The following AIM2 variants were observed in gnomAD, a reference collection of about 807,000 sequenced individuals.
AIM2 encodes the protein absent in melanoma 2.
Under a neutral mutation model 27.7 loss-of-function variants are expected in AIM2, and 30 were observed. The observed-to-expected ratio is 1.08, with a 90% CI of 0.81 to 1.47. AIM2 has a LOEUF of 1.47. AIM2 is among the 40% of genes most tolerant of loss of function. The pLI is 0.00. For missense variants in AIM2, 358 were observed against 411.3 expected (o/e 0.87, Z 1.12); for synonymous variants, 141 against 145.3 (o/e 0.97, Z 0.21).
chr1:159,099,983 C>T (rs1570963824), intron 1 of AIM2, among the ~76,000 whole-genome samples: 2 of 152,284 alleles, frequency 1.3e-5, no homozygotes, highest in South Asian at 4.1e-4. Flanking sequence ...CCGTGAGAAT[C>T]GTTTGTGCTT....
chr1:159,125,646 C>T (rs1227186612), intron 1 of AIM2, among the ~76,000 whole-genome samples: 1 of 152,218 alleles, frequency 6.6e-6, no homozygotes, highest in Non-Finnish European at 1.5e-5. Flanking sequence ...TTACTCACTT[C>T]TCTGAGCCTT....
intron 1 of AIM2, among the ~76,000 whole-genome samples, chr1:159,101,718 C>G (rs994852480): frequency 6.6e-6 from 1 of 152,182 alleles, no homozygotes; most frequent in Non-Finnish European, 1.5e-5. Flanking sequence ...AAACGTCACT[C>G]TTGCTACACT....
At chr1:159,068,400 A>G (rs1466653812) in intron 3 of AIM2, among the ~76,000 whole-genome samples, 168 bp downstream of exon 3, 1 of 152,218 alleles carries the variant, frequency 6.6e-6, no homozygotes, top group Non-Finnish European at 1.5e-5. Flanking sequence ...GTTTAATCTG[A>G]TGAATCAAAG....
intron 1 of AIM2, among the ~76,000 whole-genome samples, chr1:159,106,062 G>T (rs1451999515): frequency 6.6e-6 from 1 of 152,180 alleles, no homozygotes; most frequent in Non-Finnish European, 1.5e-5. Context: ...CTACAACTTT[G>T]CTCCACACTG....
chr1:159,115,485 G>T (rs936765274), intron 1 of AIM2, among the ~76,000 whole-genome samples: 19 of 152,198 alleles, frequency 1.2e-4, no homozygotes, highest in Admixed American at 3.9e-4. Context: ...CAAAAACAGA[G>T]ATATAGACCA....
intron 4 of AIM2, 80 bp downstream of exon 4, chr1:159,065,830 C>T (rs1040942236): frequency 5.8e-5 from 83 of 1,427,586 alleles, no homozygotes; most frequent in Non-Finnish European, 7.6e-5. Flanking sequence ...ACATTAAAAC[C>T]ATTTCCAAAG....
At chr1:159,135,021 A>G (rs541792954) in intron 1 of AIM2, among the ~76,000 whole-genome samples, 1 of 152,286 alleles carries the variant, frequency 6.6e-6, no homozygotes, top group East Asian at 1.9e-4. Context: ...TGAAGAGGTC[A>G]ACTCTCCCAG....
intron 1 of AIM2, among the ~76,000 whole-genome samples, chr1:159,083,715 T>C (rs999615060): frequency 6.6e-6 from 1 of 152,240 alleles, no homozygotes; most frequent in African/African-American, 2.4e-5. Flanking sequence ...AATCCAAATA[T>C]GACCTATGAT....
At chr1:159,091,734 G>A (rs1657048728) in intron 1 of AIM2, among the ~76,000 whole-genome samples, 1 of 152,208 alleles carries the variant, frequency 6.6e-6, no homozygotes, top group Non-Finnish European at 1.5e-5. Flanking sequence ...GGTAACAAAT[G>A]TTATGAGTGT....
chr1:159,058,445 T>G (rs1655724332), downstream of AIM2, among the ~76,000 whole-genome samples: 1 of 151,618 alleles, frequency 6.6e-6, no homozygotes, highest in Non-Finnish European at 1.5e-5. Context: ...CACAGCCATG[T>G]ACCTGGGGCA....
chr1:159,080,471 A>G (rs1480368566), upstream of AIM2, among the ~76,000 whole-genome samples: 1 of 152,238 alleles, frequency 6.6e-6, no homozygotes, highest in Non-Finnish European at 1.5e-5. Context: ...GTGATGCCTC[A>G]ATTTCAGAAC....
intron 1 of AIM2, among the ~76,000 whole-genome samples, chr1:159,124,216 T>A (rs1647621758): frequency 6.6e-6 from 1 of 152,224 alleles, no homozygotes; most frequent in African/African-American, 2.4e-5. Flanking sequence ...AAAATGATAT[T>A]TTATGGTAGT....
At chr1:159,066,815 T>G (rs1656125602) in intron 3 of AIM2, among the ~76,000 whole-genome samples, 1 of 152,184 alleles carries the variant, frequency 6.6e-6, no homozygotes. Flanking sequence ...GGGAGCATTG[T>G]ACATAACAAA....
chr1:159,073,201 A>T (rs1408820697), intron 2 of AIM2, 37 bp downstream of exon 2: 1 of 1,609,820 alleles, frequency 6.2e-7, no homozygotes, highest in Non-Finnish European at 8.5e-7. Context: ...GGCTTGGCAG[A>T]AAAAGGGACG....
intron 1 of AIM2, among the ~76,000 whole-genome samples, chr1:159,138,302 A>G (rs754168440): frequency 6.6e-6 from 1 of 152,116 alleles, no homozygotes; most frequent in Non-Finnish European, 1.5e-5. Context: ...GCTGGTGCCC[A>G]CATCAGAGTC....
At chr1:159,098,170 C>T (rs1657218531) in intron 1 of AIM2, among the ~76,000 whole-genome samples, 1 of 152,088 alleles carries the variant, frequency 6.6e-6, no homozygotes, top group African/African-American at 2.4e-5. Flanking sequence ...AATTTTTTCA[C>T]ATTGAACTTT....
chr1:159,134,572 C>A (rs899311837), intron 1 of AIM2, among the ~76,000 whole-genome samples: 1 of 152,230 alleles, frequency 6.6e-6, no homozygotes, highest in African/African-American at 2.4e-5. Context: ...TGGCTCACAC[C>A]TGTAATCCCA....
At chr1:159,063,457 G>C (rs1284563061) in intron 5 of AIM2, 29 bp downstream of exon 5, 1 of 1,586,394 alleles carries the variant, frequency 6.3e-7, no homozygotes, top group African/African-American at 1.4e-5. Context: ...CCCCCTTGGA[G>C]AGTTGACTTT....
At chr1:159,067,670 T>C (rs1378024802) in intron 3 of AIM2, among the ~76,000 whole-genome samples, 1 of 152,208 alleles carries the variant, frequency 6.6e-6, no homozygotes, top group African/African-American at 2.4e-5. Flanking sequence ...ACACCATTTA[T>C]ACTTGAACCT....
Sources: allele counts gnomAD v4.1 joint callset (sites outside exome capture counted in the v4.1 genomes callset), GRCh38; gene constraint gnomAD v4.1.1; transcripts MANE v1.5; gene names NCBI Gene and HGNC (gene_info 2026-07-23, HGNC 2026-07-21).